JAKMIP3: variants seen among roughly 807,000 people sequenced by gnomAD.
JAKMIP3 encodes the protein Janus kinase and microtubule interacting protein 3.
In JAKMIP3, 58 loss-of-function variants were observed where a neutral mutation model predicts 118.5. That is an observed-to-expected ratio of 0.49 (90% CI 0.40 to 0.61). The LOEUF is 0.61. Ranked by LOEUF, JAKMIP3 falls within the 20% of genes least tolerant of loss-of-function variation. JAKMIP3 has a pLI of 0.00. For synonymous variants in JAKMIP3, 486 were observed against 451.2 expected (o/e 1.08, Z -0.98); for missense variants, 950 against 1,109.0 (o/e 0.86, Z 2.04).
chr10:132,138,200 C>G (rs780425632), intron 9 of JAKMIP3, 22 bp downstream of exon 9: 1 of 1,598,678 alleles, frequency 6.3e-7, no homozygotes, highest in African/African-American at 1.3e-5. Context: ...CACACCGGCA[C>G]GTGCGGAGAG....
At chr10:132,110,635 C>T (rs114122977) in intron 2 of JAKMIP3, among the ~76,000 whole-genome samples, 1,939 of 152,362 alleles carry the variant, frequency 0.013, 33 homozygotes, top group African/African-American at 0.043. Flanking sequence ...CTGGAAAAAG[C>T]GTCTTGGATT....
At chr10:132,144,926 C>T (rs1014378739) in intron 11 of JAKMIP3, among the ~76,000 whole-genome samples, 181 bp from the exon 12 acceptor site, 1 of 151,432 alleles carries the variant, frequency 6.6e-6, no homozygotes, top group South Asian at 2.1e-4. Context: ...CAAACCCTGT[C>T]TCAAAAAAAA....
At chr10:132,111,356 C>G (rs925419638) in intron 2 of JAKMIP3, among the ~76,000 whole-genome samples, 3 of 151,778 alleles carry the variant, frequency 2.0e-5, no homozygotes, top group African/African-American at 7.3e-5. Flanking sequence ...GAGACCCCCC[C>G]CATGAGCACA....
chr10:132,057,341 C>T (rs1275414234), intron 1 of JAKMIP3, among the ~76,000 whole-genome samples: 1 of 152,210 alleles, frequency 6.6e-6, no homozygotes, highest in Admixed American at 6.5e-5. Flanking sequence ...GTGTGAGCTC[C>T]TTGCACACCA....
chr10:132,120,566 A>G (rs915717624), intron 3 of JAKMIP3, among the ~76,000 whole-genome samples: 1 of 152,116 alleles, frequency 6.6e-6, no homozygotes, highest in African/African-American at 2.4e-5. Flanking sequence ...ATAATGAAAA[A>G]CCCAGGGAGT....
rs1366965043 is a variant in JAKMIP3, at chr10:132,067,662, CTGGACTGTGGGCTTCCATG to C, written c.-138+1618_-138+1636del. ...TGTGGACTCTGGGCTTCCGTGTGGA[CTGGACTGTGGGCTTCCATG>C]TGGACTGTGGGCTTCCGTGTGGACT... On this transcript the variant is annotated intron_variant, in intron 1 of 23. Coordinates refer to ENST00000684848, the MANE Select transcript of JAKMIP3 (RefSeq NM_001323087.2). Among the ~76,000 whole-genome samples, 42 of 135,092 alleles carry C rather than the reference CTGGACTGTGGGCTTCCATG, an allele frequency of 3.1e-4. No homozygotes were observed. The East Asian group carries it at 5.1e-3, about 17-fold the overall frequency. The allele number at this position is 135,092 out of a possible 152,430, so 88.6% of individuals were successfully genotyped here.
At chr10:132,154,128 C>T (rs555573475) in intron 19 of JAKMIP3, 138 bp downstream of exon 19, 14 of 684,926 alleles carry the variant, frequency 2.0e-5, no homozygotes, top group African/African-American at 1.6e-4. Context: ...ATGACACCTG[C>T]ACAGCAGGCT....
chr10:132,106,054 A>G (rs938910586), intron 2 of JAKMIP3, among the ~76,000 whole-genome samples: 2 of 152,184 alleles, frequency 1.3e-5, no homozygotes, highest in African/African-American at 2.4e-5. Context: ...CCACACCACA[A>G]GGAAAGTTGT....
intron 3 of JAKMIP3, among the ~76,000 whole-genome samples, chr10:132,123,019 G>A (rs2048821837): frequency 6.6e-6 from 1 of 152,224 alleles, no homozygotes; most frequent in Non-Finnish European, 1.5e-5. Context: ...AGCCTCGGAA[G>A]GCTCCGGAGC....
intron 1 of JAKMIP3, among the ~76,000 whole-genome samples, chr10:132,072,104 A>G (rs1224560994): frequency 6.6e-6 from 1 of 151,946 alleles, no homozygotes. Context: ...GGCATGCACC[A>G]CCATGCCCGG....
At chr10:132,169,304 T>C (rs1045265142) in intron 23 of JAKMIP3, among the ~76,000 whole-genome samples, 12 of 152,036 alleles carry the variant, frequency 7.9e-5, no homozygotes, top group African/African-American at 2.7e-4. Context: ...CTCCTCCCAC[T>C]TGCAGGAGGA....
In JAKMIP3 at chr10:132,145,158, G is replaced by A; in HGVS notation, c.1654G>A (p.Asp552Asn). Residue 552 changes from aspartate to asparagine, a missense_variant, in exon 12 of 24, where the codon GAC becomes AAC. Transcript: ENST00000684848. Reference protein sequence around the residue: ...EVQRAQARIEDLEKALAEQGQ... With the variant: ...EVQRAQARIENLEKALAEQGQ... ...GCAGAGGGCACAGGCGCGGATAGAG[G>A]ACCTGGAGAAGGCCCTGGCGGAGCA... 6.2e-7 allele frequency: 1 copy of A among 1,612,322 alleles called. No individual in the cohort carries two copies.
intron 1 of JAKMIP3, among the ~76,000 whole-genome samples, chr10:132,050,977 T>C (rs989814462): frequency 1.4e-4 from 21 of 151,828 alleles, no homozygotes; most frequent in African/African-American, 4.8e-4. Flanking sequence ...ATGTTGGTCT[T>C]GTTAATTCCA....
intron 1 of JAKMIP3, among the ~76,000 whole-genome samples, chr10:132,097,057 A>G (rs1000947322): frequency 6.6e-6 from 1 of 152,232 alleles, no homozygotes; most frequent in African/African-American, 2.4e-5. Flanking sequence ...GGAAATGCAG[A>G]CAGAAGCCAT....
chr10:132,151,937 C>T (rs2056293837), intron 16 of JAKMIP3, among the ~76,000 whole-genome samples: 1 of 152,232 alleles, frequency 6.6e-6, no homozygotes, highest in African/African-American at 2.4e-5. Flanking sequence ...GCTGTGCAAT[C>T]AGTGTTGACT....
chr10:132,142,115 G>C (rs2053636973), intron 11 of JAKMIP3, 67 bp downstream of exon 11: 1 of 1,500,606 alleles, frequency 6.7e-7, no homozygotes, highest in African/African-American at 1.4e-5. Flanking sequence ...CGTGGCCTGG[G>C]CTGGGACACC....
chr10:132,107,644 T>C (rs963171315), intron 2 of JAKMIP3, among the ~76,000 whole-genome samples: 2 of 152,250 alleles, frequency 1.3e-5, no homozygotes, highest in Non-Finnish European at 2.9e-5. Flanking sequence ...ACTGACAGCA[T>C]GCTGGATGCA....
At position 132,037,401 on chromosome 10, in the gene JAKMIP3, G is replaced by A. The variant is rs556221823; in HGVS notation, c.-138+663G>A. On this transcript the variant is annotated intron_variant, in intron 1 of 23. Coordinates refer to the JAKMIP3 transcript ENST00000657785. ...TCTCCTAGGCAAGCTGTCTGCAAAT[G>A]TAAGAAATGGGGTGGTGACGCGCAG... 1.4e-3 allele frequency among the ~76,000 whole-genome samples: 219 copies of A among 152,254 alleles called. 2 individuals are homozygous for A. Among genetic ancestry groups the A allele is most frequent in the Non-Finnish European group, 2.0e-3 (134 of 68,012 alleles).
At chr10:132,075,940 C>A (rs1054096773) in intron 1 of JAKMIP3, among the ~76,000 whole-genome samples, 2 of 152,058 alleles carry the variant, frequency 1.3e-5, no homozygotes, top group Non-Finnish European at 2.9e-5. Flanking sequence ...TGGGCCACAA[C>A]TCCTTTCAAC....
Sources: gnomAD v4.1 joint callset for allele counts (sites outside exome capture counted in the v4.1 genomes callset) on GRCh38, gnomAD v4.1.1 for gene constraint, MANE v1.5 for transcripts, NCBI Gene and HGNC (gene_info 2026-07-23, HGNC 2026-07-21) for gene names.